Variants in PLEKHG1 observed in about 807,000 individuals in gnomAD.
PLEKHG1 encodes pleckstrin homology and RhoGEF domain containing G1.
Under a neutral mutation model 100.8 loss-of-function variants are expected in PLEKHG1, and 44 were observed. That is an observed-to-expected ratio of 0.44 (90% CI 0.34 to 0.56). The LOEUF is 0.56. Among genes scored for constraint, PLEKHG1 ranks in the 20% least tolerant of loss-of-function variants. PLEKHG1 has a pLI of 0.01. For missense variants in PLEKHG1, 1,545 were observed against 1,720.9 expected (o/e 0.90, Z 1.81); for synonymous variants, 640 against 662.5 (o/e 0.97, Z 0.52).
At chr6:150,720,356 A>G (rs1308811722), upstream of PLEKHG1, among the ~76,000 whole-genome samples, 1 of 152,242 alleles carries the variant, frequency 6.6e-6, no homozygotes, top group African/African-American at 2.4e-5. Context: ...TTACTAAAGT[A>G]TTGTATGAAT....
At chr6:150,745,229 C>G (rs1017150091) in intron 2 of PLEKHG1, among the ~76,000 whole-genome samples, 2 of 152,168 alleles carry the variant, frequency 1.3e-5, no homozygotes, top group African/African-American at 4.8e-5. Flanking sequence ...ATGTAGGCAA[C>G]TAAAACACAA....
intron 2 of PLEKHG1, among the ~76,000 whole-genome samples, chr6:150,638,429 C>A (rs1403528682): frequency 6.6e-6 from 1 of 152,182 alleles, no homozygotes; most frequent in Non-Finnish European, 1.5e-5. Context: ...CACCCCTCCC[C>A]CTACCACTCA....
chr6:150,678,993 G>T (rs1177332820), intron 3 of PLEKHG1, among the ~76,000 whole-genome samples: 1 of 152,138 alleles, frequency 6.6e-6, no homozygotes, highest in Non-Finnish European at 1.5e-5. Context: ...TTTCATTGCT[G>T]AGAAAATAAG....
In PLEKHG1 at chr6:150,781,872, C is replaced by T. The variant is rs375605933; in HGVS notation, c.513-4518C>T. Reference sequence around the variant, plus strand: ...CTGCAAGCTCCACCTCCCGGGTTCACGCCATTCTCCTGCCTCAGCCTCCCA... The same window carrying T: ...CTGCAAGCTCCACCTCCCGGGTTCATGCCATTCTCCTGCCTCAGCCTCCCA... On this transcript the variant is annotated intron_variant, in intron 3 of 15. Coordinates refer to ENST00000358517, the Ensembl canonical transcript of PLEKHG1. Among the ~76,000 whole-genome samples, 53 of 151,338 alleles carry T rather than the reference C, an allele frequency of 3.5e-4. 1 individual carries two copies. In the East Asian group the frequency reaches 4.8e-3, roughly 14 times the overall value.
chr6:150,784,302 T>G (rs1785484778), intron 3 of PLEKHG1, among the ~76,000 whole-genome samples: 1 of 151,994 alleles, frequency 6.6e-6, no homozygotes. Context: ...GGGCTGGGGG[T>G]CATCAGAATG....
At chr6:150,606,748 C>T (rs1341340109) in intron 1 of PLEKHG1, among the ~76,000 whole-genome samples, 1 of 152,258 alleles carries the variant, frequency 6.6e-6, no homozygotes, top group East Asian at 1.9e-4. Flanking sequence ...TGGCTGTAAT[C>T]AAGTATGCAT....
intron 13 of PLEKHG1, among the ~76,000 whole-genome samples, chr6:150,822,031 G>A (rs2128679875): frequency 6.7e-6 from 1 of 148,962 alleles, no homozygotes; most frequent in African/African-American, 2.5e-5. Context: ...AGTAGAGATG[G>A]GGTTTCTCCA....
Position 150,633,450 on chromosome 6 carries a change from A to G in PLEKHG1, c.-203-4630A>G, listed in dbSNP as rs145209287. 2.2e-4 allele frequency: 33 copies of G among 152,982 alleles called. No homozygotes were observed. The East Asian group carries it at 4.4e-3, about 21-fold the overall frequency. The allele number at this position is 152,982 out of a possible 1,614,324, so 9.5% of individuals were successfully genotyped here. A position where few individuals can be genotyped will look rare whatever the true frequency, so the allele number is the denominator to read the frequency against. On this transcript the variant is annotated intron_variant, in intron 1 of 3. Transcript: ENST00000367326. ...GCATCCTGAGACTTATCCGAGTCGC[A>G]GGTGAAGCTGGTGGGAATCAGGCAG...
intron 3 of PLEKHG1, among the ~76,000 whole-genome samples, chr6:150,711,975 C>T (rs1582985924): frequency 6.6e-6 from 1 of 152,184 alleles, no homozygotes; most frequent in Non-Finnish European, 1.5e-5. Context: ...ACTGCTATCA[C>T]CATTTTAGAC....
At chr6:150,664,245 C>T (rs1287071580) in intron 3 of PLEKHG1, 1 of 152,208 alleles carries the variant, frequency 6.6e-6, no homozygotes, top group African/African-American at 2.4e-5. Context: ...CCTTTCAATA[C>T]ATATTGTCCC....
At chr6:150,713,422 A>G (rs1482245172) in intron 3 of PLEKHG1, among the ~76,000 whole-genome samples, 1 of 152,202 alleles carries the variant, frequency 6.6e-6, no homozygotes, top group Non-Finnish European at 1.5e-5. Flanking sequence ...CAGGAGACCA[A>G]GTGAATATCA....
chr6:150,788,447 T>A (rs1785762249), intron 4 of PLEKHG1, among the ~76,000 whole-genome samples: 1 of 152,222 alleles, frequency 6.6e-6, no homozygotes, highest in Non-Finnish European at 1.5e-5. Context: ...CAGAGATTCA[T>A]CTTTGACCTT....
At chr6:150,703,579 C>T (rs999475318) in intron 3 of PLEKHG1, among the ~76,000 whole-genome samples, 2 of 147,530 alleles carry the variant, frequency 1.4e-5, no homozygotes, top group African/African-American at 2.6e-5. Context: ...CTTGCCTGGG[C>T]GACAGAGCAA....
intron 3 of PLEKHG1, among the ~76,000 whole-genome samples, chr6:150,712,128 C>A (rs1471558468): frequency 2.6e-5 from 4 of 152,268 alleles, no homozygotes; most frequent in South Asian, 2.1e-4. Context: ...GCTTTTGGGA[C>A]AATCTATAGG....
At chr6:150,761,900 G>A (rs1481560617) in intron 2 of PLEKHG1, among the ~76,000 whole-genome samples, 1 of 152,124 alleles carries the variant, frequency 6.6e-6, no homozygotes, top group African/African-American at 2.4e-5. Flanking sequence ...TCCTCACTAT[G>A]AGAAAGCTCA....
intron 3 of PLEKHG1, among the ~76,000 whole-genome samples, chr6:150,706,978 T>C (rs918110782): frequency 9.0e-6 from 1 of 111,550 alleles, no homozygotes; most frequent in Non-Finnish European, 1.9e-5. Context: ...CTTTTTTTCT[T>C]TTCTTTTCTT....
chr6:150,611,356 A>G (rs1776819469), intron 1 of PLEKHG1, among the ~76,000 whole-genome samples: 1 of 152,264 alleles, frequency 6.6e-6, no homozygotes, highest in Non-Finnish European at 1.5e-5. Context: ...AAACAAGCAT[A>G]CAAACAAAAA....
chr6:150,814,720 T>C (rs1787755468), intron 10 of PLEKHG1, among the ~76,000 whole-genome samples: 1 of 152,200 alleles, frequency 6.6e-6, no homozygotes, highest in African/African-American at 2.4e-5. Context: ...TTGTTTTGTT[T>C]TGTTTTGAAA....
intron 3 of PLEKHG1, among the ~76,000 whole-genome samples, chr6:150,680,760 G>A (rs1031149194): frequency 3.3e-5 from 5 of 152,202 alleles, no homozygotes; most frequent in East Asian, 1.9e-4. Context: ...GGATGTGTGC[G>A]GTGAAGCGGG....
Sources: allele counts gnomAD v4.1 joint callset (sites outside exome capture counted in the v4.1 genomes callset), GRCh38; gene constraint gnomAD v4.1.1; transcripts MANE v1.5; gene names NCBI Gene and HGNC (gene_info 2026-07-23, HGNC 2026-07-21).